PHLDB3: variants seen among roughly 807,000 people sequenced by gnomAD.
PHLDB3 encodes the protein pleckstrin homology like domain family B member 3.
A neutral mutation model predicts 85.7 loss-of-function variants in PHLDB3; 86 were observed. The observed-to-expected ratio is 1.00, with a 90% confidence interval of 0.84 to 1.20. PHLDB3 has a LOEUF of 1.20. Among genes scored for constraint, PHLDB3 ranks in the 50% most tolerant of loss-of-function variants. PHLDB3 has a pLI of 0.00. For missense variants in PHLDB3, 995 were observed against 873.0 expected (o/e 1.14, Z -1.76); for synonymous variants, 376 against 349.8 (o/e 1.07, Z -0.83).
chr19:43,503,599 T>C (rs1390015520), intron 2 of PHLDB3, among the ~76,000 whole-genome samples: 2 of 152,008 alleles, frequency 1.3e-5, no homozygotes, highest in Non-Finnish European at 2.9e-5. Flanking sequence ...GAGCCACCTA[T>C]CTGGTTCCTC....
intron 13 of PHLDB3, among the ~76,000 whole-genome samples, chr19:43,481,793 C>CA (rs201871531): frequency 0.012 from 1,300 of 110,010 alleles, 19 homozygotes; most frequent in African/African-American, 0.034. Flanking sequence ...GACCATGTCT[C>CA]AAAAAAAAAA....
intron 12 of PHLDB3, 67 bp downstream of exon 12, chr19:43,486,542 T>C: frequency 2.6e-6 from 4 of 1,533,258 alleles, no homozygotes; most frequent in Non-Finnish European, 3.5e-6. Flanking sequence ...GTTGGGGGTC[T>C]CCCAGGTCTG....
chr19:43,477,165 T>C (rs1057150460), intron 15 of PHLDB3, among the ~76,000 whole-genome samples: 7 of 152,172 alleles, frequency 4.6e-5, no homozygotes, highest in African/African-American at 1.7e-4. Flanking sequence ...TCCATTCATT[T>C]ATTCCCAGTT....
At position 43,499,742 on chromosome 19, in the gene PHLDB3, C is replaced by CT. The variant is rs988329996; in HGVS notation, c.535-1867dup. On this transcript the variant is annotated intron_variant, in intron 4 of 15. Transcript: ENST00000292140. ...TGTTACAATCTTCAGATAAAAGATT[C>CT]TTTTTTTTGAGATGGAGTTCTGCTC... Among the ~76,000 whole-genome samples the CT allele has an allele frequency of 6.3e-4, 95 of 151,864 alleles. 1 individual carries two copies. Among genetic ancestry groups the CT allele is most frequent in the African/African-American group, 2.0e-3 (83 of 41,458 alleles).
chr19:43,492,865 T>C (rs1202908249), intron 9 of PHLDB3, among the ~76,000 whole-genome samples: 4 of 152,106 alleles, frequency 2.6e-5, no homozygotes, highest in African/African-American at 9.7e-5. Context: ...AATAAAACCA[T>C]TGTTATTATT....
chr19:43,481,237 T>G (rs909431282), intron 13 of PHLDB3, among the ~76,000 whole-genome samples: 3 of 152,138 alleles, frequency 2.0e-5, no homozygotes, highest in Non-Finnish European at 4.4e-5. Flanking sequence ...ATCCCAGCAC[T>G]TTGGGAGGCC....
intron 8 of PHLDB3, 88 bp downstream of exon 8, chr19:43,495,168 G>A (rs1971421797): frequency 1.5e-6 from 2 of 1,337,454 alleles, no homozygotes. Flanking sequence ...CTAGGGCCTG[G>A]ACTCCTGCGT....
intron 14 of PHLDB3, 150 bp downstream of exon 14, chr19:43,479,227 G>A (rs980425499): frequency 8.0e-6 from 6 of 752,204 alleles, no homozygotes; most frequent in Admixed American, 2.7e-5. Context: ...GGACTCCTGG[G>A]TTGTAGGGAA....
intron 4 of PHLDB3, among the ~76,000 whole-genome samples, chr19:43,500,154 G>A (rs900104940): frequency 3.3e-5 from 5 of 152,040 alleles, no homozygotes; most frequent in East Asian, 1.9e-4. Flanking sequence ...CAGGAGAATC[G>A]CTTGAACCTG....
chr19:43,486,901 G>A (rs1390568590), intron 10 of PHLDB3, 31 bp from the exon 11 acceptor site: 5 of 1,512,628 alleles, frequency 3.3e-6, no homozygotes, highest in South Asian at 2.6e-5. Context: ...TTACAGGGCT[G>A]GATACACCCT....
chr19:43,480,663 C>T lies in PHLDB3; in HGVS notation c.1486-1070G>A, dbSNP rs139535098. 3.1e-3 allele frequency among the ~76,000 whole-genome samples: 474 copies of T among 152,288 alleles called. 2 individuals are homozygous for T. Among genetic ancestry groups the T allele is most frequent in the African/African-American group, 0.01 (433 of 41,568 alleles). ...TGATGAAATTAATGAATATAATCCTCTGCTAAGTACTTTCTAGGTATAATC... is the reference window on the plus strand; with the variant it reads ...TGATGAAATTAATGAATATAATCCTTTGCTAAGTACTTTCTAGGTATAATC... On this transcript the variant is annotated intron_variant, in intron 13 of 15. Coordinates refer to ENST00000292140, the MANE Select transcript of PHLDB3 (RefSeq NM_198850.4).
chr19:43,489,243 T>G (rs887041447), intron 9 of PHLDB3, among the ~76,000 whole-genome samples: 1 of 152,076 alleles, frequency 6.6e-6, no homozygotes, highest in Non-Finnish European at 1.5e-5. Flanking sequence ...AGCGTGCACC[T>G]GTAGTCCCAG....
chr19:43,500,909 A>ACCCTCCCCCCCCCCCCCCCCCC lies in PHLDB3; in HGVS notation c.534+824_534+825insGGGGGGGGGGGGGGGGGGAGGG, dbSNP rs1971574142. ...CCTCCCACTTTGCCCCGCCCCCCGT[A>ACCCTCCCCCCCCCCCCCCCCCC]CCCCCCCCCCACCCCGCAAGTACTG... is the stretch of plus-strand genomic sequence containing the variant. On this transcript the variant is annotated intron_variant, in intron 4 of 15. Coordinates refer to ENST00000292140, the MANE Select transcript of PHLDB3 (RefSeq NM_198850.4). Among the ~76,000 whole-genome samples, 2 of 17,150 alleles carry ACCCTCCCCCCCCCCCCCCCCCC rather than the reference A, an allele frequency of 1.2e-4. 1 individual carries two copies. The highest frequency in any genetic ancestry group is 2.6e-4 in the Non-Finnish European group (2 of 7,628). The allele number at this position is 17,150 out of a possible 152,430, so 11.3% of individuals were successfully genotyped here.
chr19:43,494,880 C>T lies in PHLDB3; in HGVS notation c.1036-65G>A, dbSNP rs531998572. 194 of 1,234,666 alleles carry T rather than the reference C, an allele frequency of 1.6e-4. 1 individual carries two copies. Among genetic ancestry groups the T allele is most frequent in the Middle Eastern group, 2.0e-4 (1 of 4,966 alleles). 76.5% of individuals were successfully genotyped at this position (1,234,666 alleles called of 1,614,324 possible). On this transcript the variant is annotated intron_variant, in intron 8 of 15. Coordinates refer to ENST00000292140, the MANE Select transcript of PHLDB3 (RefSeq NM_198850.4). ...ACCCCAGAGCAACTGCCAGTTTCCA[C>T]GTGCTCTGGCCCATGCCTCTAGTGC...
chr19:43,486,685 A>G lies in PHLDB3; in HGVS notation c.1352T>C (p.Ile451Thr). ...NCGRGNSCGA[I>T]HPDIAHMERL... is the part of the protein sequence containing the mutation. ...CTCCATGTGGGCAATGTCTGGATGG[A>G]TGGCCCCACAGCTAGGAGGAGGGAA... The change falls in exon 12 of 16, where the codon ATC becomes ACC. Residue 451 changes from isoleucine to threonine, a missense_variant. Coordinates refer to ENST00000292140, the MANE Select transcript of PHLDB3 (RefSeq NM_198850.4). The G allele has an allele frequency of 1.2e-6, 2 of 1,613,942 alleles. No homozygotes were observed. Among genetic ancestry groups the G allele is most frequent in the Non-Finnish European group, 1.7e-6 (2 of 1,179,846 alleles).
At chr19:43,490,176 C>T (rs1971281935) in intron 9 of PHLDB3, among the ~76,000 whole-genome samples, 1 of 151,552 alleles carries the variant, frequency 6.6e-6, no homozygotes, top group Admixed American at 6.6e-5. Context: ...TTCCTGAAAT[C>T]GATCATTGAA....
chr19:43,475,181 T>C lies in PHLDB3; in HGVS notation c.*229A>G. On this transcript the variant is annotated 3_prime_UTR_variant, in exon 16 of 16. Transcript: ENST00000292140. Reference sequence around the variant, plus strand: ...TTTCTTCCCGCCCCTGCAATCTTCCTCCTGCCCCGGGCAGGGCCTTAGGGG... The same window carrying C: ...TTTCTTCCCGCCCCTGCAATCTTCCCCCTGCCCCGGGCAGGGCCTTAGGGG... 1 of 534,350 alleles carries C rather than the reference T, an allele frequency of 1.9e-6. No homozygotes were observed. Among genetic ancestry groups the C allele is most frequent in the Non-Finnish European group, 3.3e-6 (1 of 302,756 alleles). 33.1% of individuals were successfully genotyped at this position (534,350 alleles called of 1,614,324 possible).
At chr19:43,490,636 C>A (rs997986794) in intron 9 of PHLDB3, among the ~76,000 whole-genome samples, 4 of 152,192 alleles carry the variant, frequency 2.6e-5, no homozygotes, top group African/African-American at 9.6e-5. Flanking sequence ...AACTGAGGCT[C>A]AAATCCCCGT....
chr19:43,497,025 G>A (rs1971473127), intron 6 of PHLDB3, 93 bp downstream of exon 6: 3 of 1,314,998 alleles, frequency 2.3e-6, no homozygotes, highest in Non-Finnish European at 2.9e-6. Context: ...GAACATGACA[G>A]GCAGGAAACA....
Sources: gnomAD v4.1 joint callset for allele counts (sites outside exome capture counted in the v4.1 genomes callset) on GRCh38, gnomAD v4.1.1 for gene constraint, MANE v1.5 for transcripts, NCBI Gene and HGNC (gene_info 2026-07-23, HGNC 2026-07-21) for gene names.